The following PDGFRA variants were observed in gnomAD, a reference collection of about 807,000 sequenced individuals.
PDGFRA encodes the protein platelet-derived growth factor receptor alpha.
Under a neutral mutation model 121.5 loss-of-function variants are expected in PDGFRA, and 25 were observed. That is an observed-to-expected ratio of 0.21 (90% CI 0.15 to 0.29). The LOEUF (loss-of-function observed/expected upper bound fraction) is 0.29. Ranked by LOEUF, PDGFRA falls within the 10% of genes least tolerant of loss-of-function variation. PDGFRA has a pLI of 1.00. For synonymous variants in PDGFRA, 463 were observed against 494.8 expected (o/e 0.94, Z 0.85); for missense variants, 1,008 against 1,345.1 (o/e 0.75, Z 3.92).
chr4:54,258,917 C>A, intron 2 of PDGFRA, 100 bp downstream of exon 2: 1 of 929,918 alleles, frequency 1.1e-6, no homozygotes, highest in Non-Finnish European at 1.8e-6. Context: ...ATACACAGTC[C>A]AAAAGAGTGA....
intron 2 of PDGFRA, among the ~76,000 whole-genome samples, chr4:54,260,398 T>G (rs1417990311): frequency 2.9e-4 from 4 of 14,026 alleles, no homozygotes; most frequent in East Asian, 1.1e-3. Flanking sequence ...TCCATGTGGG[T>G]TTTTTTTTTT....
At chr4:54,267,901 G>C (rs1421787118) in intron 7 of PDGFRA, among the ~76,000 whole-genome samples, 160 bp downstream of exon 7, 1 of 152,158 alleles carries the variant, frequency 6.6e-6, no homozygotes, top group African/African-American at 2.4e-5. Context: ...TGATAACATT[G>C]CAAAGTGGTA....
chr4:54,246,993 C>T (rs1423129274), intron 1 of PDGFRA, among the ~76,000 whole-genome samples: 1 of 152,178 alleles, frequency 6.6e-6, no homozygotes, highest in Non-Finnish European at 1.5e-5. Context: ...TTCCTCGACA[C>T]ATACACCCTC....
intron 1 of PDGFRA, among the ~76,000 whole-genome samples, chr4:54,236,510 A>G (rs1721020236): frequency 6.6e-6 from 1 of 152,230 alleles, no homozygotes; most frequent in Non-Finnish European, 1.5e-5. Context: ...ATGACATGAA[A>G]CTTCACAAAC....
Position 54,270,749 on chromosome 4 carries a change from G to T in PDGFRA, c.1237+1G>T, listed in dbSNP as rs773114741. ...TATACTTTTGAACTGTTAACTCAAG[G>T]TATGTAAAGGGAGTATAAAGATAAT... On this transcript the variant is annotated splice_donor_variant, in intron 8 of 22. Transcript: ENST00000257290. LOFTEE classifies it high-confidence loss of function. The T allele has an allele frequency of 1.4e-6, 2 of 1,464,866 alleles. No individual in the cohort carries two copies. Among genetic ancestry groups the T allele is most frequent in the African/African-American group, 1.4e-5 (1 of 72,168 alleles). 90.7% of individuals were successfully genotyped at this position (1,464,866 alleles called of 1,614,324 possible). A position where few individuals can be genotyped will look rare whatever the true frequency, so the allele number is the denominator to read the frequency against.
intron 16 of PDGFRA, among the ~76,000 whole-genome samples, chr4:54,283,091 G>A (rs7677708): frequency 0.74 from 112,826 of 152,034 alleles, 43,888 homozygotes; most frequent in Middle Eastern, 0.89. Flanking sequence ...GGTGCAGAGT[G>A]CAGGCTGTTG....
intron 1 of PDGFRA, among the ~76,000 whole-genome samples, chr4:54,255,695 C>G (rs1405009385): frequency 6.6e-6 from 1 of 151,884 alleles, no homozygotes; most frequent in African/African-American, 2.4e-5. Context: ...TTAGTAGAGA[C>G]AGGGTTTCAC....
chr4:54,278,239 A>C lies in PDGFRA; in HGVS notation c.2003-123A>C, dbSNP rs1223134563. 26 of 692,796 alleles carry C rather than the reference A, an allele frequency of 3.8e-5. 2 individuals carry two copies. In the East Asian group the frequency reaches 5.5e-4, roughly 15 times the overall value. 42.9% of individuals were successfully genotyped at this position (692,796 alleles called of 1,614,324 possible). ...GCTCTTTATTAAAAAAAAAAAAAAA[A>C]AAAAAAAAAAAAAACTTTTTTGGTA... is the stretch of plus-strand genomic sequence containing the variant. On this transcript the variant is annotated intron_variant, in intron 14 of 22. Coordinates refer to ENST00000257290, the MANE Select transcript of PDGFRA (RefSeq NM_006206.6).
chr4:54,277,799 A>G (rs1483475147), intron 13 of PDGFRA, 97 bp from the exon 14 acceptor site: 3 of 803,796 alleles, frequency 3.7e-6, no homozygotes, highest in Non-Finnish European at 6.5e-6. Context: ...AAATAGAATG[A>G]TATCCAATCA....
chr4:54,229,560 A>ATT (rs920838716), intron 1 of PDGFRA, 145 bp downstream of exon 1: 11 of 324,898 alleles, frequency 3.4e-5, no homozygotes, highest in Admixed American at 9.9e-5. Context: ...CCAGAGAGTA[A>ATT]TTTTTTTTTT....
At chr4:54,230,578 G>C (rs1720605487) in intron 1 of PDGFRA, 1 of 152,330 alleles carries the variant, frequency 6.6e-6, no homozygotes. Context: ...AGTTAGGGAC[G>C]ACTTGGAACT....
chr4:54,243,940 C>A (rs565795244), intron 1 of PDGFRA, among the ~76,000 whole-genome samples: 1 of 152,220 alleles, frequency 6.6e-6, no homozygotes, highest in South Asian at 2.1e-4. Context: ...GAGGGTCCTA[C>A]GCCCACAGAG....
chr4:54,246,561 A>C (rs1270161852), intron 1 of PDGFRA, among the ~76,000 whole-genome samples: 2 of 152,154 alleles, frequency 1.3e-5, no homozygotes, highest in African/African-American at 2.4e-5. Context: ...GGACACATTC[A>C]AAGCAGTGTG....
chr4:54,277,346 C>T lies in PDGFRA; in HGVS notation c.1787-42C>T, dbSNP rs759227627. 8.2e-6 allele frequency: 11 copies of T among 1,339,736 alleles called. No homozygotes were observed. In the South Asian group the frequency reaches 8.2e-5, roughly 10 times the overall value. 83.0% of individuals were successfully genotyped at this position (1,339,736 alleles called of 1,614,324 possible). On this transcript the variant is annotated intron_variant, in intron 12 of 22. Coordinates refer to ENST00000257290, the MANE Select transcript of PDGFRA (RefSeq NM_006206.6). Reference sequence around the variant, plus strand: ...GCTACGGTGCAGAAAGCTGAGGAGGCGTCTGGAGTTTTTGGGTGTTAATGA... The same window carrying T: ...GCTACGGTGCAGAAAGCTGAGGAGGTGTCTGGAGTTTTTGGGTGTTAATGA...
intron 3 of PDGFRA, among the ~76,000 whole-genome samples, chr4:54,262,859 G>A (rs539867777): frequency 1.2e-4 from 18 of 152,252 alleles, no homozygotes; most frequent in South Asian, 1.0e-3. Flanking sequence ...GTTTTAATCC[G>A]TGTAAGATTG....
At chr4:54,239,409 T>A (rs557121383) in intron 1 of PDGFRA, among the ~76,000 whole-genome samples, 1 of 152,390 alleles carries the variant, frequency 6.6e-6, no homozygotes, top group East Asian at 1.9e-4. Flanking sequence ...TTTGGCTTGC[T>A]CTTGAATTCC....
In PDGFRA at chr4:54,290,487, A is replaced by G; in HGVS notation, c.3055A>G (p.Ile1019Val). The G allele has an allele frequency of 6.2e-7, 1 of 1,613,792 alleles. No homozygotes were observed. Among genetic ancestry groups the G allele is most frequent in the Non-Finnish European group, 8.5e-7 (1 of 1,179,632 alleles). Residue 1019 changes from isoleucine (I) to valine (V), a missense_variant, in exon 22 of 23, where the codon ATC (isoleucine) becomes GTC (valine). This residue lies in a region of PDGFRA where 204 missense variants were observed against 243.0 expected (regional missense o/e 0.84). Transcript: ENST00000257290. ...GAGACTGAGCGCTGACAGTGGCTAC[A>G]TCATTCCTCTGCCTGACATTGACCC... ...EQRLSADSGY[I>V]IPLPDIDPVP...
chr4:54,234,098 C>G (rs886488985), intron 1 of PDGFRA, among the ~76,000 whole-genome samples: 2 of 152,220 alleles, frequency 1.3e-5, no homozygotes, highest in Non-Finnish European at 2.9e-5. Flanking sequence ...CCTAGCCCAG[C>G]AGCGTCGTCT....
At chr4:54,267,820 C>A in intron 7 of PDGFRA, 79 bp downstream of exon 7, 3 of 1,132,112 alleles carry the variant, frequency 2.6e-6, no homozygotes, top group Non-Finnish European at 4.0e-6. Flanking sequence ...TGTCTTACAA[C>A]CCAGACCCAA....
Sources: gnomAD v4.1 joint callset for allele counts (sites outside exome capture counted in the v4.1 genomes callset) on GRCh38, gnomAD v4.1.1 for gene constraint, gnomAD v4.1.1 regional missense constraint, MANE v1.5 for transcripts, NCBI Gene and HGNC (gene_info 2026-07-23, HGNC 2026-07-21) for gene names.